Variants in ZNF34 observed in about 807,000 individuals in gnomAD.
The protein encoded by ZNF34 is zinc finger protein 34 (KOX 32).
In ZNF34, 8 loss-of-function variants were observed where a neutral mutation model predicts 14.4. The ratio of observed to expected loss-of-function variants is 0.55; its 90% CI spans 0.33 to 1.00. ZNF34 has a LOEUF of 1.00. Ranked by LOEUF, ZNF34 falls within the 50% of genes least tolerant of loss-of-function variation. The pLI, the probability that ZNF34 is intolerant of heterozygous loss-of-function variation, is 0.03. For synonymous variants in ZNF34, 235 were observed against 247.9 expected (o/e 0.95, Z 0.49); for missense variants, 538 against 674.2 (o/e 0.80, Z 2.24).
chr8:144,775,455 CA>C (rs1825449874), intron 5 of ZNF34, among the ~76,000 whole-genome samples: 1 of 152,196 alleles, frequency 6.6e-6, no homozygotes, highest in Non-Finnish European at 1.5e-5. Flanking sequence ...TGTACAACCC[CA>C]AACCTGGACA....
chr8:144,786,763 G>A (rs931530709), intron 1 of ZNF34, among the ~76,000 whole-genome samples: 1 of 152,090 alleles, frequency 6.6e-6, no homozygotes, highest in Non-Finnish European at 1.5e-5. Context: ...GAAGCGAGGA[G>A]GGTGGGGCGG....
At chr8:144,783,890 C>T (rs1195801057) in intron 1 of ZNF34, among the ~76,000 whole-genome samples, 2 of 152,164 alleles carry the variant, frequency 1.3e-5, no homozygotes, top group East Asian at 1.9e-4. Context: ...TGTGGCCAGG[C>T]GCAGTGGCTC....
At chr8:144,782,002 A>G (rs960470126) in intron 1 of ZNF34, among the ~76,000 whole-genome samples, 1 of 151,368 alleles carries the variant, frequency 6.6e-6, no homozygotes, top group African/African-American at 2.4e-5. Context: ...CCTGGCCAAC[A>G]TGGTGAAACC....
chr8:144,778,273 C>T lies in ZNF34; in HGVS notation c.34-109G>A, dbSNP rs547062144. 2.1e-5 allele frequency: 31 copies of T among 1,474,706 alleles called. No individual in the cohort carries two copies. The East Asian group carries it at 2.3e-4, about 11-fold the overall frequency. 91.4% of individuals were successfully genotyped at this position (1,474,706 alleles called of 1,614,324 possible). A position where few individuals can be genotyped will look rare whatever the true frequency, so the allele number is the denominator to read the frequency against. On this transcript the variant is annotated intron_variant, in intron 3 of 5. Coordinates refer to ENST00000429371, the MANE Select transcript of ZNF34 (RefSeq NM_001286769.2). ...GCAGCAGCACAGTGGGTGGCCTGAC[C>T]CATCTGCCACCGAGCCAGCTAATAC...
At chr8:144,778,813 G>T (rs1183405722) in intron 2 of ZNF34, among the ~76,000 whole-genome samples, 1 of 151,828 alleles carries the variant, frequency 6.6e-6, no homozygotes, top group Admixed American at 6.6e-5. Context: ...GCTCACTGCA[G>T]CCTCGACCTC....
intron 5 of ZNF34, 28 bp from the exon 6 acceptor site, chr8:144,774,633 G>A (rs1183063972): frequency 6.3e-7 from 1 of 1,585,478 alleles, no homozygotes; most frequent in African/African-American, 1.3e-5. Context: ...ACATCTAAGG[G>A]TCACCTGCTC....
At chr8:144,778,283 C>T in intron 3 of ZNF34, 119 bp from the exon 4 acceptor site, 1 of 1,459,592 alleles carries the variant, frequency 6.9e-7, no homozygotes, top group Non-Finnish European at 9.2e-7. Flanking sequence ...CCATCTGCCA[C>T]CGAGCCAGCT....
At chr8:144,781,308 G>A (rs950440596) in intron 1 of ZNF34, among the ~76,000 whole-genome samples, 8 of 148,300 alleles carry the variant, frequency 5.4e-5, no homozygotes, top group African/African-American at 1.7e-4. Flanking sequence ...TTACTCTGTC[G>A]CCCAGGCTAG....
intron 5 of ZNF34, among the ~76,000 whole-genome samples, chr8:144,775,340 C>T (rs1406439110): frequency 1.3e-5 from 2 of 152,200 alleles, no homozygotes; most frequent in African/African-American, 2.4e-5. Flanking sequence ...TAAAGCTGAT[C>T]TATGAAAATG....
rs1825583530 is a variant in ZNF34, at chr8:144,777,312, G to A, written c.280+146C>T. On this transcript the variant is annotated intron_variant, in intron 5 of 5. Transcript: ENST00000429371. The surrounding 1 kb of genome is among the most constrained non-coding windows in gnomAD (Gnocchi z 4.8). ...GTGCCCAGACTGAGAGGGGTCACCTGGGCTTCAGCAAAGGCCACTGTCAGG... is the reference window on the plus strand; with the variant it reads ...GTGCCCAGACTGAGAGGGGTCACCTAGGCTTCAGCAAAGGCCACTGTCAGG... 9.2e-7 allele frequency: 1 copy of A among 1,092,670 alleles called. No homozygotes were observed. The highest frequency in any genetic ancestry group is 1.3e-6 in the Non-Finnish European group (1 of 786,174). The allele number at this position is 1,092,670 out of a possible 1,614,324, so 67.7% of individuals were successfully genotyped here.
At chr8:144,786,694 A>T (rs1278732755) in intron 1 of ZNF34, among the ~76,000 whole-genome samples, 1 of 152,122 alleles carries the variant, frequency 6.6e-6, no homozygotes, top group South Asian at 2.1e-4. Context: ...AAGAAAAAAT[A>T]AAGAAGAGAA....
chr8:144,787,288 G>C lies in ZNF34; in HGVS notation c.-117C>G, dbSNP rs1563796548. The stretch of plus-strand genomic sequence containing the variant: ...CCGGGCTCACACTCACCTCAGCGCC[G>C]CCGAGCAGCACGGCAGCCCAACCTC... On this transcript the variant is annotated 5_prime_UTR_variant, in exon 1 of 6. Coordinates refer to ENST00000429371, the MANE Select transcript of ZNF34 (RefSeq NM_001286769.2). 1 of 152,574 alleles carries C rather than the reference G, an allele frequency of 6.6e-6. No individual in the cohort carries two copies. Among genetic ancestry groups the C allele is most frequent in the Non-Finnish European group, 1.5e-5 (1 of 68,346 alleles). 9.5% of individuals were successfully genotyped at this position (152,574 alleles called of 1,614,324 possible).
intron 1 of ZNF34, among the ~76,000 whole-genome samples, chr8:144,782,055 G>A (rs1318794254): frequency 6.6e-6 from 1 of 152,176 alleles, no homozygotes; most frequent in African/African-American, 2.4e-5. Context: ...TGGGCGCAGT[G>A]GCTCACGCCT....
rs1335330360 is a variant in ZNF34 at position 144,777,640 on chromosome 8, C to A, written c.161-63G>T. The A allele has an allele frequency of 6.5e-7, 1 of 1,527,318 alleles. No homozygotes were observed. The highest frequency in any genetic ancestry group is 1.2e-5 in the South Asian group (1 of 82,668). 94.6% of individuals were successfully genotyped at this position (1,527,318 alleles called of 1,614,324 possible). On this transcript the variant is annotated intron_variant, in intron 4 of 5. Transcript: ENST00000429371. The surrounding 1 kb of genome is among the most constrained non-coding windows in gnomAD (Gnocchi z 4.8). Reference sequence around the variant, plus strand: ...CACAGGGCAGCACCTAGTGCTGTCTCACCCTGGGGCTGCAGGGTAAGGGAG... The same window carrying A: ...CACAGGGCAGCACCTAGTGCTGTCTAACCCTGGGGCTGCAGGGTAAGGGAG...
At chr8:144,776,095 C>G (rs1003726417) in intron 5 of ZNF34, among the ~76,000 whole-genome samples, 22 of 152,184 alleles carry the variant, frequency 1.4e-4, no homozygotes, top group African/African-American at 5.1e-4. Context: ...AGGCGGATCA[C>G]AAGGTCAGGA....
chr8:144,787,115 G>A (rs1363894977), intron 1 of ZNF34, among the ~76,000 whole-genome samples, 164 bp downstream of exon 1: 1 of 91,802 alleles, frequency 1.1e-5, no homozygotes, highest in Non-Finnish European at 2.0e-5. Flanking sequence ...CGTACTCGGG[G>A]CCTTGTCCGG....
Position 144,773,080 on chromosome 8 carries a change from C to A in ZNF34, c.*186G>T. ...AGAAGCTTCTTTTTTGCCCACTTTT[C>A]TGTCTCAATTTCTCTAAAATGAACA... is the stretch of plus-strand genomic sequence containing the variant. On this transcript the variant is annotated 3_prime_UTR_variant, in exon 6 of 6. Transcript: ENST00000429371. This position sits in a 1 kb window ranked among gnomAD's most constrained non-coding sequence, Gnocchi z 5.4. 1.6e-6 allele frequency: 1 copy of A among 625,654 alleles called. No individual in the cohort carries two copies. The allele number at this position is 625,654 out of a possible 1,614,324, so 38.8% of individuals were successfully genotyped here. A position where few individuals can be genotyped will look rare whatever the true frequency, so the allele number is the denominator to read the frequency against.
intron 5 of ZNF34, among the ~76,000 whole-genome samples, chr8:144,775,922 A>G (rs550544723): frequency 6.6e-6 from 1 of 152,318 alleles, no homozygotes; most frequent in African/African-American, 2.4e-5. Context: ...GAGCTATCCA[A>G]TCTTTTGGCC....
In ZNF34 at chr8:144,773,622, C is replaced by T; in HGVS notation, c.1264G>A (p.Gly422Arg). ...TCATTGCATTCATAGGGCTTCTCTCCAGTGTGGCTTCTCTGATGTTCCACG... is the reference window on the plus strand; with the variant it reads ...TCATTGCATTCATAGGGCTTCTCTCTAGTGTGGCTTCTCTGATGTTCCACG... ...KLVEHQRSHT[G>R]EKPYECNDCG... The change falls in exon 6 of 6, where the codon GGA (glycine) becomes AGA (arginine). Residue 422 changes from glycine (G) to arginine (R), a missense_variant. Coordinates refer to ENST00000429371, the MANE Select transcript of ZNF34 (RefSeq NM_001286769.2). The surrounding 1 kb of genome is among the most constrained non-coding windows in gnomAD (Gnocchi z 5.4). The T allele has an allele frequency of 6.2e-7, 1 of 1,614,162 alleles. No individual in the cohort carries two copies.
Sources: allele counts gnomAD v4.1 joint callset (sites outside exome capture counted in the v4.1 genomes callset), GRCh38; gene constraint gnomAD v4.1.1; non-coding constraint Gnocchi (gnomAD v3.1); transcripts MANE v1.5; gene names NCBI Gene and HGNC (gene_info 2026-07-23, HGNC 2026-07-21).